The following LARP6 variants were observed in gnomAD, a reference collection of about 807,000 sequenced individuals.
LARP6 encodes the protein La ribonucleoprotein 6, translational regulator.
LARP6 carries 18 observed loss-of-function variants against 32.8 expected under a neutral mutation model. The ratio of observed to expected loss-of-function variants is 0.55; its 90% CI spans 0.38 to 0.81. LARP6 has a LOEUF of 0.81. LARP6 is among the 40% of genes least tolerant of loss of function. The pLI, the probability that LARP6 is intolerant of heterozygous loss-of-function variation, is 0.00. For synonymous variants in LARP6, 289 were observed against 267.2 expected (o/e 1.08, Z -0.80); for missense variants, 598 against 663.1 (o/e 0.90, Z 1.08).
chr15:70,836,141 C>T, intron 2 of LARP6, among the ~76,000 whole-genome samples, 154 bp downstream of exon 2: 1 of 152,104 alleles, frequency 6.6e-6, no homozygotes, highest in East Asian at 1.9e-4. Context: ...AATACTAAAT[C>T]CCTTCTCCTA....
rs2031998099 is a variant in LARP6 at position 70,829,245 on chromosome 15, TCTC to T, written c.*2804_*2806del. 1.3e-5 allele frequency: 2 copies of T among 152,338 alleles called. No individual in the cohort carries two copies. Among genetic ancestry groups the T allele is most frequent in the Admixed American group, 1.3e-4 (2 of 15,258 alleles). The allele number at this position is 152,338 out of a possible 1,614,324, so 9.4% of individuals were successfully genotyped here. A position where few individuals can be genotyped will look rare whatever the true frequency, so the allele number is the denominator to read the frequency against. ...CCTCCGCCTCCCAGGTTCAAGCAAT[TCTC>T]CTGCCTCCGCCTCCCAAGTAGCTGG... On this transcript the variant is annotated 3_prime_UTR_variant, in exon 3 of 3. Coordinates refer to ENST00000299213, the MANE Select transcript of LARP6 (RefSeq NM_018357.4).
At chr15:70,853,794 G>A in intron 1 of LARP6, 95 bp downstream of exon 1, 2 of 953,222 alleles carry the variant, frequency 2.1e-6, no homozygotes, top group Non-Finnish European at 2.7e-6. Context: ...AACCCCCTCT[G>A]CCCGAGGAGT....
chr15:70,846,938 C>T (rs1429768551), intron 1 of LARP6, among the ~76,000 whole-genome samples: 1 of 152,220 alleles, frequency 6.6e-6, no homozygotes, highest in Non-Finnish European at 1.5e-5. Context: ...AAAATCATTT[C>T]TACTTCTCCC....
chr15:70,835,094 T>A (rs2032123242), intron 2 of LARP6, among the ~76,000 whole-genome samples: 1 of 152,106 alleles, frequency 6.6e-6, no homozygotes, highest in Non-Finnish European at 1.5e-5. Context: ...CATTTTGGGA[T>A]CCCCCACAAA....
Position 70,831,913 on chromosome 15 carries a change from G to C in LARP6, c.*139C>G. The C allele has an allele frequency of 1.7e-6, 1 of 590,370 alleles. No individual in the cohort carries two copies. Among genetic ancestry groups the C allele is most frequent in the Non-Finnish European group, 2.9e-6 (1 of 345,296 alleles). 36.6% of individuals were successfully genotyped at this position (590,370 alleles called of 1,614,324 possible). A position where few individuals can be genotyped will look rare whatever the true frequency, so the allele number is the denominator to read the frequency against. On this transcript the variant is annotated 3_prime_UTR_variant, in exon 3 of 3. Coordinates refer to ENST00000299213, the MANE Select transcript of LARP6 (RefSeq NM_018357.4). ...GGCGTACCGATTTATGTATATTACAGATAGATAAATTAAGAGGTCTACATG... is the reference window on the plus strand; with the variant it reads ...GGCGTACCGATTTATGTATATTACACATAGATAAATTAAGAGGTCTACATG...
At chr15:70,851,682 G>A (rs181414435) in intron 1 of LARP6, 27 of 1,614,136 alleles carry the variant, frequency 1.7e-5, no homozygotes, top group East Asian at 2.2e-5. Context: ...TACAATGAAC[G>A]AAGCAAGCAT....
rs894167528 is a variant in LARP6 at position 70,831,073 on chromosome 15, G to A, written c.*979C>T. ...TCTCCAGCGTGCATCAGAATCACCT[G>A]CAGCGTTTGTTAAAACCCAAATTCC... is the stretch of plus-strand genomic sequence containing the variant. On this transcript the variant is annotated 3_prime_UTR_variant, in exon 3 of 3. Transcript: ENST00000299213. The A allele has an allele frequency of 2.6e-5, 4 of 152,356 alleles. No individual in the cohort carries two copies. The South Asian group carries it at 8.3e-4, about 32-fold the overall frequency. The allele number at this position is 152,356 out of a possible 1,614,324, so 9.4% of individuals were successfully genotyped here.
intron 1 of LARP6, among the ~76,000 whole-genome samples, chr15:70,845,829 G>C (rs941831962): frequency 6.6e-6 from 1 of 152,260 alleles, no homozygotes; most frequent in Admixed American, 6.5e-5. Context: ...CTTCACATGA[G>C]GGTGAGCAGG....
At position 70,832,639 on chromosome 15, in the gene LARP6, T is replaced by C; in HGVS notation, c.889A>G (p.Lys297Glu). 4 of 1,609,888 alleles carry C rather than the reference T, an allele frequency of 2.5e-6. No homozygotes were observed. Among genetic ancestry groups the C allele is most frequent in the Non-Finnish European group, 3.4e-6 (4 of 1,178,900 alleles). Residue 297 changes from lysine to glutamate, a missense_variant, in exon 3 of 3, where the codon AAA (lysine) becomes GAA (glutamate). Physicochemically the swap from Lys to Glu is moderately conservative, Grantham distance 56. This residue lies in a region of LARP6 where 368 missense variants were observed against 397.9 expected (regional missense o/e 0.92). Coordinates refer to ENST00000299213, the MANE Select transcript of LARP6 (RefSeq NM_018357.4). Reference protein sequence around the residue: ...KAVLIGMKPPKKKPAKDKNHD... With the variant: ...KAVLIGMKPPEKKPAKDKNHD... ...TTTTTGTCTTTGGCAGGTTTCTTTT[T>C]GGGTGGCTTCATACCAATCAGGACA...
At chr15:70,836,692 A>T (rs2032155037) in intron 1 of LARP6, among the ~76,000 whole-genome samples, 187 bp from the exon 2 acceptor site, 1 of 152,198 alleles carries the variant, frequency 6.6e-6, no homozygotes, top group Non-Finnish European at 1.5e-5. Context: ...AATCCAACAC[A>T]ACTAGGGTCC....
At chr15:70,835,851 A>G (rs2141050039) in intron 2 of LARP6, among the ~76,000 whole-genome samples, 1 of 152,302 alleles carries the variant, frequency 6.6e-6, no homozygotes, top group Admixed American at 6.5e-5. Flanking sequence ...TGTCTTAGAG[A>G]AGGCTCATTT....
At position 70,832,076 on chromosome 15, in the gene LARP6, A is replaced by G; in HGVS notation, c.1452T>C (p.His484=). The G allele has an allele frequency of 6.5e-7, 1 of 1,532,578 alleles. No individual in the cohort carries two copies. The highest frequency in any genetic ancestry group is 8.8e-7 in the Non-Finnish European group (1 of 1,141,190). 94.9% of individuals were successfully genotyped at this position (1,532,578 alleles called of 1,614,324 possible). The change falls in exon 3 of 3, where the codon CAT becomes CAC. Residue 484 remains histidine, a synonymous_variant. Transcript: ENST00000299213. ...TTTATACACAGGCCCTGCTCCTCTC[A>G]TGGCCATGAAATCCTCTGGTGTTGT... ...GPDNTRGFHG[H]ERSRACV
chr15:70,848,458 G>A (rs766393267), intron 1 of LARP6, among the ~76,000 whole-genome samples: 5 of 152,122 alleles, frequency 3.3e-5, no homozygotes, highest in African/African-American at 7.2e-5. Flanking sequence ...GAGGCCAGGC[G>A]TGGTGGCTCA....
At chr15:70,852,766 A>G (rs1165087840) in intron 1 of LARP6, among the ~76,000 whole-genome samples, 1 of 152,044 alleles carries the variant, frequency 6.6e-6, no homozygotes, top group South Asian at 2.1e-4. Flanking sequence ...CTCCCCTAAC[A>G]ACTGTCTCTA....
rs755192640 is a variant in LARP6 at position 70,851,681 on chromosome 15, C to T, written c.200+2208G>A. Reference sequence around the variant, plus strand: ...TGCTAGGTGCTGAAGATACAATGAACGAAGCAAGCATGGTCCTTGAATTCA... The same window carrying T: ...TGCTAGGTGCTGAAGATACAATGAATGAAGCAAGCATGGTCCTTGAATTCA... On this transcript the variant is annotated intron_variant, in intron 1 of 2. Transcript: ENST00000299213. 8.1e-6 allele frequency: 13 copies of T among 1,613,980 alleles called. 1 individual carries two copies. Among genetic ancestry groups the T allele is most frequent in the African/African-American group, 6.7e-5 (5 of 74,894 alleles).
chr15:70,836,560 A>G, intron 1 of LARP6, 55 bp from the exon 2 acceptor site: 2 of 1,438,640 alleles, frequency 1.4e-6, no homozygotes, highest in Non-Finnish European at 2.0e-6. Context: ...TGTGTCCCCC[A>G]AAAATTCATA....
rs2032043729 is a variant in LARP6, at chr15:70,831,760, T to C, written c.*292A>G. ...AAAAATTCCATACCAAAGAACAGAC[T>C]TCCCCCAGGGAACCTCCGTCCTACA... On this transcript the variant is annotated 3_prime_UTR_variant, in exon 3 of 3. Transcript: ENST00000299213. The C allele has an allele frequency of 7.9e-6, 2 of 252,698 alleles. No homozygotes were observed. The highest frequency in any genetic ancestry group is 3.5e-4 in the South Asian group (2 of 5,766). The allele number at this position is 252,698 out of a possible 1,614,324, so 15.7% of individuals were successfully genotyped here. A position where few individuals can be genotyped will look rare whatever the true frequency, so the allele number is the denominator to read the frequency against.
At chr15:70,836,220 T>TA (rs1435424727) in intron 2 of LARP6, 75 bp downstream of exon 2, 37 of 1,289,808 alleles carry the variant, frequency 2.9e-5, no homozygotes, top group Admixed American at 3.7e-5. Flanking sequence ...TCAAGGGAGT[T>TA]AAAAAAAATG....
intron 1 of LARP6, among the ~76,000 whole-genome samples, chr15:70,843,649 C>CTTTTTT (rs67996815): frequency 7.9e-4 from 64 of 80,602 alleles, no homozygotes; most frequent in African/African-American, 9.4e-4. Context: ...GTTTTGGTGT[C>CTTTTTT]TTTTTTTTTT....
Sources: allele counts gnomAD v4.1 joint callset (sites outside exome capture counted in the v4.1 genomes callset), GRCh38; gene constraint gnomAD v4.1.1; regional missense constraint gnomAD v4.1.1; transcripts MANE v1.5; gene names NCBI Gene and HGNC (gene_info 2026-07-23, HGNC 2026-07-21).